RPTOR: variants seen among roughly 807,000 people sequenced by gnomAD.
The protein encoded by RPTOR is regulatory-associated protein of mTOR.
A neutral mutation model predicts 169.9 loss-of-function variants in RPTOR; 21 were observed. The ratio of observed to expected loss-of-function variants is 0.12; its 90% CI spans 0.09 to 0.18. The LOEUF is 0.18. RPTOR is among the 10% of genes least tolerant of loss of function. The pLI, the probability that RPTOR is intolerant of heterozygous loss-of-function variation, is 1.00. For synonymous variants in RPTOR, 732 were observed against 753.2 expected (o/e 0.97, Z 0.46); for missense variants, 1,133 against 1,855.9 (o/e 0.61, Z 7.16).
chr17:80,836,452 C>T (rs1370731416), intron 9 of RPTOR, among the ~76,000 whole-genome samples: 2 of 152,280 alleles, frequency 1.3e-5, no homozygotes, highest in Admixed American at 6.5e-5. Context: ...GGCTCTGCGG[C>T]CTTGGGCGCG....
intron 20 of RPTOR, among the ~76,000 whole-genome samples, chr17:80,897,770 G>A (rs978193635): frequency 6.6e-6 from 1 of 152,208 alleles, no homozygotes; most frequent in Admixed American, 6.5e-5. Context: ...ACAGGTGCCT[G>A]TAATCCCAGC....
At chr17:80,933,329 C>T (rs1029083019) in intron 24 of RPTOR, among the ~76,000 whole-genome samples, 1 of 152,068 alleles carries the variant, frequency 6.6e-6, no homozygotes, top group African/African-American at 2.4e-5. Context: ...TATCAGAATC[C>T]CCTACACTAG....
At chr17:80,741,310 G>A (rs986455271) in intron 5 of RPTOR, among the ~76,000 whole-genome samples, 2 of 152,116 alleles carry the variant, frequency 1.3e-5, no homozygotes, top group Non-Finnish European at 2.9e-5. Flanking sequence ...GTGCTGGTGT[G>A]GGGGCCCTCC....
chr17:80,901,015 T>C (rs2068469726), intron 20 of RPTOR, among the ~76,000 whole-genome samples: 2 of 152,250 alleles, frequency 1.3e-5, no homozygotes, highest in Non-Finnish European at 2.9e-5. Context: ...CTGTGGAGTT[T>C]CCAGGTGGCT....
In RPTOR at chr17:80,964,463, G is replaced by A. The variant is rs571610787; in HGVS notation, c.*133G>A. On this transcript the variant is annotated 3_prime_UTR_variant, in exon 34 of 34. Transcript: ENST00000306801. ...GGCTGCTGCCTTAGCTGCTGATGACGGCAGGAGGGCCCTGCTACTCGCTTT... is the reference window on the plus strand; with the variant it reads ...GGCTGCTGCCTTAGCTGCTGATGACAGCAGGAGGGCCCTGCTACTCGCTTT... 25 of 821,268 alleles carry A rather than the reference G, an allele frequency of 3.0e-5. No homozygotes were observed. Among genetic ancestry groups the A allele is most frequent in the East Asian group, 7.7e-5 (3 of 39,068 alleles). 50.9% of individuals were successfully genotyped at this position (821,268 alleles called of 1,614,324 possible).
chr17:80,715,313 A>G (rs188655529), intron 4 of RPTOR, among the ~76,000 whole-genome samples: 5 of 152,348 alleles, frequency 3.3e-5, no homozygotes, highest in African/African-American at 1.2e-4. Flanking sequence ...TATTAATTTT[A>G]TATACATTTA....
intron 19 of RPTOR, among the ~76,000 whole-genome samples, chr17:80,893,124 G>A (rs543469552): frequency 1.3e-5 from 2 of 152,238 alleles, no homozygotes; most frequent in African/African-American, 4.8e-5. Flanking sequence ...CAGTTGAGGC[G>A]GTGGCTCCTT....
At chr17:80,908,704 A>G in intron 20 of RPTOR, 107 bp from the exon 21 acceptor site, 1 of 783,468 alleles carries the variant, frequency 1.3e-6, no homozygotes, top group Admixed American at 2.2e-5. Flanking sequence ...CGGCTCTTTA[A>G]AGCAACACTT....
chr17:80,875,056 T>C (rs6565484), intron 13 of RPTOR, among the ~76,000 whole-genome samples: 79,564 of 152,128 alleles, frequency 0.52, 21,399 homozygotes, highest in African/African-American at 0.65. Flanking sequence ...TGCCTCCTTA[T>C]GCCTTCCCCG....
chr17:80,899,976 A>G (rs550190875), intron 20 of RPTOR, among the ~76,000 whole-genome samples: 21 of 152,284 alleles, frequency 1.4e-4, no homozygotes, highest in African/African-American at 4.3e-4. Context: ...ATATTTTGAC[A>G]GTGCCCCCAC....
rs750566631 is a variant in RPTOR at position 80,962,524 on chromosome 17, C to T, written c.3756C>T (p.Ile1252=). The T allele has an allele frequency of 1.9e-6, 3 of 1,613,772 alleles. No individual in the cohort carries two copies. In the African/African-American group the frequency reaches 4.0e-5, roughly 22 times the overall value. The change falls in exon 32 of 34, where the codon ATC becomes ATT. Residue 1252 remains isoleucine, a synonymous_variant. Transcript: ENST00000306801. ...RMPESVNVLQ[I]VKGLTALDIH... ...CTGAGTCGGTAAATGTGCTTCAGAT[C>T]GTGAAGGGGCTGACGGCCCTGGACA...
At chr17:80,880,511 C>A in intron 14 of RPTOR, 22 bp downstream of exon 14, 3 of 1,611,388 alleles carry the variant, frequency 1.9e-6, no homozygotes, top group Non-Finnish European at 2.5e-6. Context: ...GCAGCACGCT[C>A]TCCACGGGCT....
intron 1 of RPTOR, among the ~76,000 whole-genome samples, chr17:80,620,610 C>G (rs2065347084): frequency 6.6e-6 from 1 of 152,138 alleles, no homozygotes; most frequent in African/African-American, 2.4e-5. Context: ...ACTAAAAATA[C>G]AAAAAGTTAG....
In RPTOR at chr17:80,651,169, C is replaced by A. The variant is rs2065636378; in HGVS notation, c.348+7359C>A. ...TGCGGAGATGGCTCTGAAGGACAGG[C>A]AGGTGCCAGGCGAGGGATGGAAGTG... On this transcript the variant is annotated intron_variant, in intron 3 of 33. Coordinates refer to ENST00000306801, the MANE Select transcript of RPTOR (RefSeq NM_020761.3). The surrounding 1 kb of genome is among the most constrained non-coding windows in gnomAD (Gnocchi z 4.1). Among the ~76,000 whole-genome samples, 1 of 152,134 alleles carries A rather than the reference C, an allele frequency of 6.6e-6. No individual in the cohort carries two copies. Among genetic ancestry groups the A allele is most frequent in the Non-Finnish European group, 1.5e-5 (1 of 68,022 alleles).
chr17:80,726,573 C>T lies in RPTOR; in HGVS notation c.508-3987C>T, dbSNP rs1028379948. 2.6e-5 allele frequency among the ~76,000 whole-genome samples: 4 copies of T among 152,166 alleles called. No homozygotes were observed. The highest frequency in any genetic ancestry group is 9.7e-5 in the African/African-American group (4 of 41,432). On this transcript the variant is annotated intron_variant, in intron 4 of 33. Transcript: ENST00000306801. This position sits in a 1 kb window ranked among gnomAD's most constrained non-coding sequence, Gnocchi z 4.5. The stretch of plus-strand genomic sequence containing the variant: ...GAACATGGTGTGTTAAAATATCTTT[C>T]ATTTCATGCCACTTTGCAGCCCTGG...
At chr17:80,768,285 A>G (rs1055526124) in intron 6 of RPTOR, among the ~76,000 whole-genome samples, 4 of 152,270 alleles carry the variant, frequency 2.6e-5, no homozygotes, top group Admixed American at 2.6e-4. Context: ...CGGGAGAACC[A>G]TGGAGTGCGT....
At chr17:80,829,260 G>A (rs1044111501) in intron 9 of RPTOR, among the ~76,000 whole-genome samples, 3 of 152,182 alleles carry the variant, frequency 2.0e-5, no homozygotes, top group African/African-American at 4.8e-5. Flanking sequence ...GACTGGTAGA[G>A]TGGCCTAAGA....
At chr17:80,623,180 C>T (rs951989431) in intron 1 of RPTOR, among the ~76,000 whole-genome samples, 15 of 151,992 alleles carry the variant, frequency 9.9e-5, no homozygotes, top group African/African-American at 2.2e-4. Context: ...CTGGTCAATA[C>T]GCTAAGATCT....
chr17:80,949,454 A>T lies in RPTOR; in HGVS notation c.3277A>T (p.Ile1093Phe), dbSNP rs1161634864. Reference protein sequence around the residue: ...LLLTATDDGAIRVWKNFADLE... With the variant: ...LLLTATDDGAFRVWKNFADLE... ...CTCTCCCTCCCCAGACGATGGTGCC[A>T]TCAGGGTCTGGAAGAATTTTGCTGA... is the stretch of plus-strand genomic sequence containing the variant. Residue 1093 changes from isoleucine (I) to phenylalanine (F), a missense_variant, in exon 28 of 34, where the codon ATC becomes TTC. Physicochemically the swap from Ile to Phe is conservative, Grantham distance 21. Coordinates refer to ENST00000306801, the MANE Select transcript of RPTOR (RefSeq NM_020761.3). 1.9e-6 allele frequency: 3 copies of T among 1,614,030 alleles called. No individual in the cohort carries two copies. Among genetic ancestry groups the T allele is most frequent in the Non-Finnish European group, 2.5e-6 (3 of 1,179,910 alleles).
Sources: allele counts gnomAD v4.1 joint callset (sites outside exome capture counted in the v4.1 genomes callset), GRCh38; gene constraint gnomAD v4.1.1; non-coding constraint Gnocchi (gnomAD v3.1); transcripts MANE v1.5; gene names NCBI Gene and HGNC (gene_info 2026-07-23, HGNC 2026-07-21).